The following SAMD12 variants were observed in gnomAD, a reference collection of about 807,000 sequenced individuals.
SAMD12 encodes sterile alpha motif domain containing 12, also known as sterile alpha motif domain-containing protein 12.
A neutral mutation model predicts 15.0 loss-of-function variants in SAMD12; 9 were observed. That is an observed-to-expected ratio of 0.60 (90% CI 0.36 to 1.05). SAMD12 has a LOEUF of 1.05. SAMD12 is among the 50% of genes least tolerant of loss of function. The probability of loss-of-function intolerance (pLI) is 0.01; values close to 1 mark genes in which losing one functional copy is unlikely to be tolerated. For synonymous variants in SAMD12, 86 were observed against 90.1 expected (o/e 0.96, Z 0.25); for missense variants, 230 against 234.2 (o/e 0.98, Z 0.12).
chr8:118,342,699 C>T (rs1373193775), intron 4 of SAMD12, among the ~76,000 whole-genome samples: 2 of 152,218 alleles, frequency 1.3e-5, no homozygotes, highest in African/African-American at 4.8e-5. Context: ...ATTAGTAGTT[C>T]TCAAATGCTA....
At chr8:118,157,942 G>A in the SAMD12 span, among the ~76,000 whole-genome samples, 1 of 152,240 alleles carries the variant, frequency 6.6e-6, no homozygotes, top group Non-Finnish European at 1.5e-5. Flanking sequence ...CCTTATCATT[G>A]CTCCAGCTTA....
At chr8:118,250,500 T>G in intron 4 of SAMD12, among the ~76,000 whole-genome samples, 1 of 147,408 alleles carries the variant, frequency 6.8e-6, no homozygotes. Flanking sequence ...AAGGCAAAAA[T>G]GGATTTTTTT....
chr8:118,279,253 T>A (rs1813550001), intron 4 of SAMD12, among the ~76,000 whole-genome samples: 1 of 152,192 alleles, frequency 6.6e-6, no homozygotes, highest in African/African-American at 2.4e-5. Flanking sequence ...CAATTATTTT[T>A]CTGAAATATA....
intron 1 of SAMD12, among the ~76,000 whole-genome samples, chr8:118,600,461 A>C (rs1827832012): frequency 6.6e-6 from 1 of 152,166 alleles, no homozygotes; most frequent in Non-Finnish European, 1.5e-5. Context: ...GGCTTTGCAG[A>C]CCATTTTATT....
chr8:118,355,125 T>C (rs1818166846), intron 4 of SAMD12, among the ~76,000 whole-genome samples: 1 of 152,142 alleles, frequency 6.6e-6, no homozygotes, highest in Admixed American at 6.5e-5. Flanking sequence ...ATTGCAAAAA[T>C]ATGGAACCAA....
intron 2 of SAMD12, among the ~76,000 whole-genome samples, chr8:118,530,773 C>A (rs1825662986): frequency 6.6e-6 from 1 of 152,134 alleles, no homozygotes. Flanking sequence ...AAATTATTCT[C>A]CCAGGCCAAT....
At chr8:118,485,294 T>G (rs966659534) in intron 2 of SAMD12, among the ~76,000 whole-genome samples, 1 of 152,106 alleles carries the variant, frequency 6.6e-6, no homozygotes, top group African/African-American at 2.4e-5. Context: ...ATTAAAACAA[T>G]TCACACAAAA....
intron 4 of SAMD12, among the ~76,000 whole-genome samples, chr8:118,210,402 T>A (rs916599804): frequency 6.6e-6 from 1 of 152,152 alleles, no homozygotes; most frequent in Non-Finnish European, 1.5e-5. Flanking sequence ...GGAAGTGTAG[T>A]CTGCATCACA....
chr8:118,389,198 C>G (rs1297736861), intron 3 of SAMD12, among the ~76,000 whole-genome samples: 1 of 152,198 alleles, frequency 6.6e-6, no homozygotes. Context: ...AAAAGTTAAT[C>G]ATCGGTAAAT....
At chr8:118,344,032 C>T (rs1156872875) in intron 4 of SAMD12, among the ~76,000 whole-genome samples, 2 of 152,202 alleles carry the variant, frequency 1.3e-5, no homozygotes, top group East Asian at 3.8e-4. Context: ...TCCTGACTTC[C>T]AGCTTCCATT....
the SAMD12 span, among the ~76,000 whole-genome samples, chr8:118,179,035 GT>G: frequency 6.6e-6 from 1 of 152,122 alleles, no homozygotes; most frequent in South Asian, 2.1e-4. Context: ...CATCACTTCT[GT>G]TTATAGTCCA....
chr8:118,351,209 T>G (rs1049146025), intron 4 of SAMD12, among the ~76,000 whole-genome samples: 2 of 152,182 alleles, frequency 1.3e-5, no homozygotes, highest in African/African-American at 2.4e-5. Flanking sequence ...CAACTACACA[T>G]TAATTATGAT....
rs542037405 is a variant in SAMD12 at position 118,593,704 on chromosome 8, T to G, written c.14-12811A>C. Among the ~76,000 whole-genome samples the G allele has an allele frequency of 4.6e-5, 7 of 152,246 alleles. 1 individual carries two copies. In the South Asian group the frequency reaches 1.5e-3, roughly 32 times the overall value. ...AGAACCCAATGTTAAAGTCAATGTG[T>G]TTTTTTCTGTAAATGTTAGTTTTAA... On this transcript the variant is annotated intron_variant, in intron 1 of 3. Transcript: ENST00000314727.
intron 2 of SAMD12, among the ~76,000 whole-genome samples, chr8:118,543,701 T>A (rs1334307959): frequency 6.9e-6 from 1 of 145,244 alleles, no homozygotes; most frequent in South Asian, 2.2e-4. Flanking sequence ...CCAAGACAAC[T>A]CTTCTTCTTC....
intron 4 of SAMD12, among the ~76,000 whole-genome samples, chr8:118,279,783 C>A (rs1415013199): frequency 6.6e-6 from 1 of 152,226 alleles, no homozygotes; most frequent in Non-Finnish European, 1.5e-5. Flanking sequence ...CTATGCAGCA[C>A]AATCTTGTTT....
At chr8:118,254,714 C>T (rs1812893740) in intron 4 of SAMD12, among the ~76,000 whole-genome samples, 1 of 152,030 alleles carries the variant, frequency 6.6e-6, no homozygotes, top group South Asian at 2.1e-4. Flanking sequence ...CACGGCTGTG[C>T]TGTTCCTTCA....
the SAMD12 span, among the ~76,000 whole-genome samples, chr8:118,183,125 C>A: frequency 6.6e-6 from 1 of 152,196 alleles, no homozygotes; most frequent in African/African-American, 2.4e-5. Flanking sequence ...GGACTTTGTA[C>A]AATCTCCTGT....
downstream of SAMD12, among the ~76,000 whole-genome samples, chr8:118,188,978 A>G (rs1479841862): frequency 2.0e-5 from 3 of 152,166 alleles, no homozygotes; most frequent in African/African-American, 7.2e-5. Context: ...TTTGGCCACC[A>G]TCTTAGAGAG....
rs1175561422 is a variant in SAMD12 at position 118,273,053 on chromosome 8, C to T, written c.434-75321G>A. On this transcript the variant is annotated intron_variant, in intron 4 of 4. Transcript: ENST00000409003. ...GCACAACCTCTACCATACTAATTTACTGTATTAGTCTGTTCTCATGCTGCT... is the reference window on the plus strand; with the variant it reads ...GCACAACCTCTACCATACTAATTTATTGTATTAGTCTGTTCTCATGCTGCT... Among the ~76,000 whole-genome samples the T allele has an allele frequency of 2.0e-5, 3 of 152,146 alleles. 1 individual carries two copies. Among genetic ancestry groups the T allele is most frequent in the Non-Finnish European group, 1.5e-5 (1 of 68,032 alleles).
Sources: allele counts gnomAD v4.1 joint callset (sites outside exome capture counted in the v4.1 genomes callset), GRCh38; gene constraint gnomAD v4.1.1; transcripts MANE v1.5; gene names NCBI Gene and HGNC (gene_info 2026-07-23, HGNC 2026-07-21).